Variants in ARMC8 observed in about 807,000 individuals in gnomAD.
The protein encoded by ARMC8 is armadillo repeat-containing protein 8.
ARMC8 carries 20 observed loss-of-function variants against 99.3 expected under a neutral mutation model. The ratio of observed to expected loss-of-function variants is 0.20; its 90% CI spans 0.14 to 0.29. The LOEUF (loss-of-function observed/expected upper bound fraction) is 0.29, where lower values mean the gene tolerates loss of function less well. Among genes scored for constraint, ARMC8 ranks in the 10% least tolerant of loss-of-function variants. ARMC8 has a pLI of 1.00. For synonymous variants in ARMC8, 263 were observed against 278.3 expected (o/e 0.95, Z 0.55); for missense variants, 569 against 809.5 (o/e 0.70, Z 3.60).
chr3:138,224,648 G>A (rs1347487677), intron 5 of ARMC8, among the ~76,000 whole-genome samples: 1 of 152,178 alleles, frequency 6.6e-6, no homozygotes, highest in East Asian at 1.9e-4. Flanking sequence ...CTACTCGGGA[G>A]GCTGAGCCAT....
chr3:138,239,880 G>A (rs2046524368), intron 10 of ARMC8, among the ~76,000 whole-genome samples: 1 of 152,100 alleles, frequency 6.6e-6, no homozygotes, highest in Non-Finnish European at 1.5e-5. Flanking sequence ...AGAGGCAGAC[G>A]ATTTGCCACT....
intron 18 of ARMC8, among the ~76,000 whole-genome samples, chr3:138,283,827 G>T (rs932139210): frequency 6.6e-6 from 1 of 152,158 alleles, no homozygotes; most frequent in Non-Finnish European, 1.5e-5. Context: ...AGACCAGCCT[G>T]GACTAAGTTG....
In ARMC8 at chr3:138,235,049, A is replaced by G; in HGVS notation, c.544A>G (p.Thr182Ala). The G allele has an allele frequency of 6.2e-7, 1 of 1,613,816 alleles. No individual in the cohort carries two copies. Among genetic ancestry groups the G allele is most frequent in the Non-Finnish European group, 8.5e-7 (1 of 1,179,810 alleles). Reference protein sequence around the residue: ...SHCCKGPDHQTILFNHGAVQN... With the variant: ...SHCCKGPDHQAILFNHGAVQN... ...TTTCTTACAGGGGCCAGATCATCAA[A>G]CAATTTTATTTAACCACGGTGCAGT... The change falls in exon 7 of 22, where the codon ACA becomes GCA. Residue 182 changes from threonine (T) to alanine (A), a missense_variant. Coordinates refer to ENST00000469044, the MANE Select transcript of ARMC8 (RefSeq NM_001363941.2).
chr3:138,289,710 A>G (rs1044581113), intron 20 of ARMC8, among the ~76,000 whole-genome samples: 2 of 152,160 alleles, frequency 1.3e-5, no homozygotes, highest in Non-Finnish European at 2.9e-5. Context: ...AAAGCTCCCC[A>G]GATGATTCCA....
intron 2 of ARMC8, among the ~76,000 whole-genome samples, chr3:138,216,144 T>G (rs1247703053): frequency 6.6e-6 from 1 of 151,564 alleles, no homozygotes; most frequent in Non-Finnish European, 1.5e-5. Flanking sequence ...GCCTCGGACT[T>G]CCAAAGTGCT....
chr3:138,241,912 C>T lies in ARMC8; in HGVS notation c.967C>T (p.His323Tyr). 1.2e-6 allele frequency: 2 copies of T among 1,614,066 alleles called. No individual in the cohort carries two copies. The highest frequency in any genetic ancestry group is 1.7e-6 in the Non-Finnish European group (2 of 1,179,978). Residue 323 changes from histidine to tyrosine, a missense_variant, in exon 11 of 22, where the codon CAC (histidine) becomes TAC (tyrosine). His to Tyr is a moderately conservative substitution (Grantham distance 83). This residue lies in a region of ARMC8 where 342 missense variants were observed against 391.6 expected (regional missense o/e 0.87). Coordinates refer to ENST00000469044, the MANE Select transcript of ARMC8 (RefSeq NM_001363941.2). ...ELQRIASITD[H>Y]LIAMLADYFK... The stretch of plus-strand genomic sequence containing the variant: ...ACAGAGAATCGCTAGCATAACTGAT[C>T]ACCTCATTGCCATGCTTGCTGATTA...
chr3:138,244,929 A>G (rs565916188), intron 11 of ARMC8, among the ~76,000 whole-genome samples, 159 bp from the exon 12 acceptor site: 1 of 152,364 alleles, frequency 6.6e-6, no homozygotes, highest in South Asian at 2.1e-4. Context: ...TCTCAGTGCT[A>G]TGTGAACAGA....
intron 2 of ARMC8, among the ~76,000 whole-genome samples, chr3:138,214,436 A>G (rs140895601): frequency 2.0e-5 from 3 of 151,824 alleles, no homozygotes; most frequent in East Asian, 1.9e-4. Flanking sequence ...TATTTTGGTA[A>G]TGATTAATTC....
intron 12 of ARMC8, among the ~76,000 whole-genome samples, chr3:138,257,203 A>C (rs1189022684): frequency 1.3e-5 from 2 of 152,242 alleles, no homozygotes; most frequent in Non-Finnish European, 2.9e-5. Context: ...CAAGCACTGC[A>C]ACTGCCCTTA....
chr3:138,251,882 AAGAC>A (rs565010079), intron 12 of ARMC8, among the ~76,000 whole-genome samples: 63 of 152,370 alleles, frequency 4.1e-4, no homozygotes, highest in Admixed American at 1.8e-3. Context: ...ATCTAGTTAA[AAGAC>A]AGAGGTTATA....
chr3:138,283,160 C>G (rs1352901467), intron 18 of ARMC8, among the ~76,000 whole-genome samples: 1 of 152,236 alleles, frequency 6.6e-6, no homozygotes, highest in Admixed American at 6.5e-5. Flanking sequence ...TTTCACACCT[C>G]AGGACTTACT....
chr3:138,277,477 A>G (rs2049411376), intron 18 of ARMC8, among the ~76,000 whole-genome samples: 1 of 152,258 alleles, frequency 6.6e-6, no homozygotes, highest in Non-Finnish European at 1.5e-5. Context: ...ATCCACCGGA[A>G]GGAATATTTG....
intron 1 of ARMC8, among the ~76,000 whole-genome samples, chr3:138,188,730 T>A (rs1014224235): frequency 5.3e-5 from 8 of 152,206 alleles, no homozygotes; most frequent in African/African-American, 1.9e-4. Context: ...AACTCACCTA[T>A]CTGAAAACAC....
At chr3:138,193,265 G>A (rs575571681) in intron 1 of ARMC8, among the ~76,000 whole-genome samples, 1 of 145,244 alleles carries the variant, frequency 6.9e-6, no homozygotes, top group Non-Finnish European at 1.5e-5. Context: ...CACCGCGCCG[G>A]CTTATCTTAT....
chr3:138,197,861 ATCT>A (rs2043828376), intron 1 of ARMC8, among the ~76,000 whole-genome samples: 1 of 152,216 alleles, frequency 6.6e-6, no homozygotes, highest in African/African-American at 2.4e-5. Context: ...AACCTTAAAG[ATCT>A]TCTAGAGCCA....
intron 19 of ARMC8, among the ~76,000 whole-genome samples, 152 bp downstream of exon 19, chr3:138,284,678 A>G (rs1399734237): frequency 2.7e-5 from 4 of 150,558 alleles, no homozygotes; most frequent in Non-Finnish European, 1.5e-5. Flanking sequence ...CATCCTGAAG[A>G]AAAAGAAAAA....
At chr3:138,259,165 C>A (rs994491746) in intron 12 of ARMC8, among the ~76,000 whole-genome samples, 1 of 152,166 alleles carries the variant, frequency 6.6e-6, no homozygotes, top group Non-Finnish European at 1.5e-5. Flanking sequence ...AAAGGCACCA[C>A]GGAGGACATG....
intron 1 of ARMC8, among the ~76,000 whole-genome samples, chr3:138,206,079 G>A (rs896370526): frequency 7.9e-5 from 12 of 152,142 alleles, no homozygotes; most frequent in Non-Finnish European, 1.3e-4. Context: ...ACTGAAATTT[G>A]TTGCAAAAAT....
intron 1 of ARMC8, among the ~76,000 whole-genome samples, chr3:138,194,424 G>A (rs182180934): frequency 9.5e-4 from 134 of 140,514 alleles, no homozygotes; most frequent in African/African-American, 3.4e-3. Context: ...TGCAACCTCC[G>A]CCTCCCAGGT....
Sources: allele counts gnomAD v4.1 joint callset (sites outside exome capture counted in the v4.1 genomes callset), GRCh38; gene constraint gnomAD v4.1.1; regional missense constraint gnomAD v4.1.1; transcripts MANE v1.5; gene names NCBI Gene and HGNC (gene_info 2026-07-23, HGNC 2026-07-21).